Variants in HEMK2 observed in about 807,000 individuals in gnomAD.
HEMK2 encodes methyltransferase HEMK2.
chr21:28,711,839 G>C, the HEMK2 span, among the ~76,000 whole-genome samples: 1 of 152,178 alleles, frequency 6.6e-6, no homozygotes. Flanking sequence ...ACAAGATCAG[G>C]GTGCCCATAT....
At chr21:28,875,425 C>T in the HEMK2 span, 21 of 152,232 alleles carry the variant, frequency 1.4e-4, no homozygotes, top group African/African-American at 5.1e-4. Flanking sequence ...CTCTAAAATC[C>T]TAAACCAAGA....
At chr21:28,840,065 T>C in the HEMK2 span, among the ~76,000 whole-genome samples, 6 of 152,108 alleles carry the variant, frequency 3.9e-5, no homozygotes, top group African/African-American at 1.4e-4. Context: ...TAAACCCAGA[T>C]ACTTACAGCC....
the HEMK2 span, among the ~76,000 whole-genome samples, chr21:28,604,494 G>A: frequency 6.6e-6 from 1 of 152,172 alleles, no homozygotes; most frequent in African/African-American, 2.4e-5. Flanking sequence ...AAGACAGATG[G>A]GAACTTTCCA....
chr21:28,829,908 A>G, the HEMK2 span, among the ~76,000 whole-genome samples: 2 of 152,152 alleles, frequency 1.3e-5, no homozygotes, highest in African/African-American at 4.8e-5. Flanking sequence ...TCATTTGGAG[A>G]AAATTCCTGG....
chr21:28,864,913 T>TATAGATAGATAGATAGATAG, the HEMK2 span, among the ~76,000 whole-genome samples: 11,908 of 144,162 alleles, frequency 0.083, 900 homozygotes, highest in African/African-American at 0.18. Context: ...AGATAGATGA[T>TATAGATAGATAGATAGATAG]ATAGATAGAT....
At chr21:28,732,761 C>T in the HEMK2 span, among the ~76,000 whole-genome samples, 1 of 152,184 alleles carries the variant, frequency 6.6e-6, no homozygotes, top group Non-Finnish European at 1.5e-5. Context: ...TTCTCCACTG[C>T]TCAGAGGGAA....
At chr21:28,866,152 A>AC in the HEMK2 span, among the ~76,000 whole-genome samples, 1 of 85,080 alleles carries the variant, frequency 1.2e-5, no homozygotes, top group Non-Finnish European at 2.5e-5. Flanking sequence ...TCTACAGAAA[A>AC]AACAAAAACA....
the HEMK2 span, among the ~76,000 whole-genome samples, chr21:28,792,982 C>CAG: frequency 1.3e-5 from 2 of 152,180 alleles, no homozygotes; most frequent in East Asian, 3.8e-4. Flanking sequence ...AGTAAGGCAA[C>CAG]TTGGATTTAT....
At chr21:28,797,780 T>C in the HEMK2 span, among the ~76,000 whole-genome samples, 2 of 152,178 alleles carry the variant, frequency 1.3e-5, no homozygotes, top group Non-Finnish European at 2.9e-5. Context: ...AAACAGAAGA[T>C]GACAGTTGGA....
the HEMK2 span, among the ~76,000 whole-genome samples, chr21:28,585,388 G>T: frequency 1.3e-5 from 2 of 151,394 alleles, no homozygotes; most frequent in Non-Finnish European, 2.9e-5. Context: ...TCCAATAAAT[G>T]TATCACCTTC....
At chr21:28,844,766 T>C in the HEMK2 span, among the ~76,000 whole-genome samples, 1 of 143,400 alleles carries the variant, frequency 7.0e-6, no homozygotes, top group African/African-American at 2.8e-5. Flanking sequence ...AAAATTACAC[T>C]TTCTTTTACT....
chr21:28,729,293 C>G, the HEMK2 span, among the ~76,000 whole-genome samples: 2 of 152,154 alleles, frequency 1.3e-5, no homozygotes, highest in African/African-American at 4.8e-5. Flanking sequence ...TGCCTGAGAT[C>G]TAGGCCTTGA....
At chr21:28,878,428 T>C in the HEMK2 span, 5 of 1,466,214 alleles carry the variant, frequency 3.4e-6, no homozygotes, top group Non-Finnish European at 4.7e-6. Flanking sequence ...CAAAAAAGTA[T>C]ATATTTTGCA....
chr21:28,836,511 G>A, the HEMK2 span, among the ~76,000 whole-genome samples: 1 of 151,536 alleles, frequency 6.6e-6, no homozygotes, highest in Non-Finnish European at 1.5e-5. Context: ...AAAAATCCTG[G>A]AGGAAACACA....
chr21:28,587,161 G>A, the HEMK2 span, among the ~76,000 whole-genome samples: 17 of 120,184 alleles, frequency 1.4e-4, no homozygotes, highest in African/African-American at 5.3e-4. Flanking sequence ...AGGCATATCA[G>A]ACAAGGAAAT....
At chr21:28,876,407 A>T in the HEMK2 span, 2 of 1,610,794 alleles carry the variant, frequency 1.2e-6, no homozygotes, top group Non-Finnish European at 1.7e-6. Context: ...GAACTTGAGG[A>T]CTGAAAGAGT....
At chr21:28,589,837 G>A in the HEMK2 span, among the ~76,000 whole-genome samples, 2 of 152,148 alleles carry the variant, frequency 1.3e-5, no homozygotes, top group Non-Finnish European at 2.9e-5. Flanking sequence ...TGGAGAACAT[G>A]ATGTCACAAG....
the HEMK2 span, among the ~76,000 whole-genome samples, chr21:28,838,973 ATAT>A: frequency 2.4e-3 from 54 of 22,508 alleles, no homozygotes; most frequent in East Asian, 0.018. Context: ...AAAAAAAAAA[ATAT>A]ATATATATAT....
chr21:28,653,554 A>G, the HEMK2 span, among the ~76,000 whole-genome samples: 1 of 152,158 alleles, frequency 6.6e-6, no homozygotes, highest in Non-Finnish European at 1.5e-5. Flanking sequence ...ACAACCTCAC[A>G]GGGACCTCCC....
Sources: allele counts gnomAD v4.1 joint callset (sites outside exome capture counted in the v4.1 genomes callset), GRCh38; gene constraint gnomAD v4.1.1; transcripts MANE v1.5; gene names NCBI Gene and HGNC (gene_info 2026-07-23, HGNC 2026-07-21).